Variants in ARHGAP44 observed in about 807,000 individuals in gnomAD.
The protein encoded by ARHGAP44 is Rho GTPase activating protein 44, also known as rho GTPase-activating protein 44.
In ARHGAP44, 43 loss-of-function variants were observed where a neutral mutation model predicts 106.8. The observed-to-expected ratio is 0.40, with a 90% confidence interval of 0.32 to 0.52. ARHGAP44 has a LOEUF of 0.52. Ranked by LOEUF, ARHGAP44 falls within the 20% of genes least tolerant of loss-of-function variation. The pLI is 0.48. For missense variants in ARHGAP44, 866 were observed against 1,050.5 expected, an observed-to-expected ratio of 0.82 and a Z score of 2.43; for synonymous variants, 439 against 410.3, an observed-to-expected ratio of 1.07 and a Z score of -0.85.
intron 7 of ARHGAP44, 120 bp from the exon 8 acceptor site, chr17:12,940,936 G>A (rs991633140): frequency 2.7e-6 from 2 of 740,176 alleles, no homozygotes; most frequent in Non-Finnish European, 2.2e-6. Context: ...ATCATATCAA[G>A]TATTAAAAAG....
intron 2 of ARHGAP44, 27 bp from the exon 3 acceptor site, chr17:12,896,380 T>C (rs2037205986): frequency 6.4e-7 from 1 of 1,562,306 alleles, no homozygotes. Flanking sequence ...CCTCTCTCAG[T>C]GGCACCACCC....
intron 1 of ARHGAP44, among the ~76,000 whole-genome samples, chr17:12,851,319 G>A (rs2035732693): frequency 6.6e-6 from 1 of 152,036 alleles, no homozygotes; most frequent in African/African-American, 2.4e-5. Flanking sequence ...CCAAATAGAA[G>A]TCTTGAAAAA....
Position 12,949,361 on chromosome 17 carries a change from C to T in ARHGAP44, c.973+110C>T. On this transcript the variant is annotated intron_variant, in intron 11 of 20. Transcript: ENST00000379672. This position sits in a 1 kb window ranked among gnomAD's most constrained non-coding sequence, Gnocchi z 4.1. ...CACTCAAGTCAGTGGCTGCCCAAAG[C>T]ACTTCAGATGTGTCCACTCAGTGCC... 1 of 1,202,508 alleles carries T rather than the reference C, an allele frequency of 8.3e-7. No homozygotes were observed. Among genetic ancestry groups the T allele is most frequent in the Non-Finnish European group, 1.2e-6 (1 of 851,920 alleles). 74.5% of individuals were successfully genotyped at this position (1,202,508 alleles called of 1,614,324 possible).
chr17:12,852,753 G>A (rs530008120), intron 1 of ARHGAP44, among the ~76,000 whole-genome samples: 1 of 152,206 alleles, frequency 6.6e-6, no homozygotes, highest in East Asian at 1.9e-4. Context: ...ATGTTAGCCA[G>A]AATGGTCTTG....
rs765351389 is a variant in ARHGAP44, at chr17:12,908,932, G to A, written c.234G>A (p.Leu78=). The A allele has an allele frequency of 6.2e-7, 1 of 1,603,840 alleles. No homozygotes were observed. Among genetic ancestry groups the A allele is most frequent in the Admixed American group, 1.8e-5 (1 of 56,800 alleles). The change falls in exon 4 of 21, where the codon CTG becomes CTA. Residue 78 remains leucine, a synonymous_variant. Transcript: ENST00000379672. Reference sequence around the variant, plus strand: ...CTTTGACAACACTGGCTCAGTGTCTGATGGAGGGGTCAGCTATCCTGGGAG... The same window carrying A: ...CTTTGACAACACTGGCTCAGTGTCTAATGGAGGGGTCAGCTATCCTGGGAG... ...KLPLTTLAQC[L]MEGSAILGDD... is the part of the protein sequence containing the mutation.
At chr17:12,864,033 G>A (rs768349798) in intron 1 of ARHGAP44, among the ~76,000 whole-genome samples, 4 of 152,166 alleles carry the variant, frequency 2.6e-5, no homozygotes, top group Non-Finnish European at 5.9e-5. Flanking sequence ...GGGGTTCCAG[G>A]ACTGAGCATC....
At chr17:12,919,582 C>T (rs983312168) in intron 5 of ARHGAP44, among the ~76,000 whole-genome samples, 173 bp from the exon 6 acceptor site, 3 of 152,166 alleles carry the variant, frequency 2.0e-5, no homozygotes, top group Non-Finnish European at 4.4e-5. Flanking sequence ...GTCGGAGTTT[C>T]GCCATATTGG....
chr17:12,985,538 A>G (rs2039937359), intron 20 of ARHGAP44: 1 of 152,232 alleles, frequency 6.6e-6, no homozygotes, highest in Admixed American at 6.5e-5. Context: ...AGAAACAAAG[A>G]CGGAGCTCTC....
intron 1 of ARHGAP44, among the ~76,000 whole-genome samples, chr17:12,799,749 C>T (rs1022333443): frequency 2.0e-5 from 3 of 152,152 alleles, no homozygotes; most frequent in African/African-American, 7.2e-5. Flanking sequence ...TCTGCCTCAG[C>T]CTCCTGAGTA....
At position 12,988,777 on chromosome 17, in the gene ARHGAP44, G is replaced by A. The variant is rs75706370; in HGVS notation, c.2318-1255G>A. 9.3e-3 allele frequency: 1,408 copies of A among 152,082 alleles called. 78 individuals are homozygous for A. The East Asian group carries it at 0.15, about 16-fold the overall frequency. The allele number at this position is 152,082 out of a possible 1,614,324, so 9.4% of individuals were successfully genotyped here. On this transcript the variant is annotated intron_variant, in intron 20 of 20. Coordinates refer to ENST00000379672, the MANE Select transcript of ARHGAP44 (RefSeq NM_014859.6). ...TCCCAGCCTTGCAAAGCTAAGTGAC[G>A]GCCAGAAACTAAGCAGGCAGGCCGG...
chr17:12,866,425 C>T (rs1271273564), intron 1 of ARHGAP44, among the ~76,000 whole-genome samples: 1 of 152,148 alleles, frequency 6.6e-6, no homozygotes, highest in Non-Finnish European at 1.5e-5. Flanking sequence ...TGCCTTTGCA[C>T]CCCACAGCAT....
intron 13 of ARHGAP44, among the ~76,000 whole-genome samples, chr17:12,954,529 C>T (rs557323188): frequency 2.0e-4 from 31 of 152,228 alleles, no homozygotes; most frequent in South Asian, 1.7e-3. Context: ...AGAGGCCGTG[C>T]GTGGAGTTGT....
At chr17:12,868,591 T>TA (rs2036305530) in intron 1 of ARHGAP44, among the ~76,000 whole-genome samples, 692 of 47,104 alleles carry the variant, frequency 0.015, 18 homozygotes, top group Middle Eastern at 0.026. Flanking sequence ...TATATGCATT[T>TA]TATATATATA....
At chr17:12,918,570 C>T (rs2037984357) in intron 5 of ARHGAP44, among the ~76,000 whole-genome samples, 1 of 152,132 alleles carries the variant, frequency 6.6e-6, no homozygotes, top group African/African-American at 2.4e-5. Flanking sequence ...CCGAGAAAAG[C>T]CATGATGGCA....
chr17:12,921,841 A>G (rs2038094650), intron 6 of ARHGAP44, among the ~76,000 whole-genome samples: 2 of 152,160 alleles, frequency 1.3e-5, no homozygotes, highest in Admixed American at 1.3e-4. Flanking sequence ...TTATAAAAAG[A>G]AGCTGATACT....
intron 1 of ARHGAP44, among the ~76,000 whole-genome samples, chr17:12,872,835 A>G (rs989994310): frequency 1.3e-5 from 2 of 152,068 alleles, no homozygotes; most frequent in Non-Finnish European, 2.9e-5. Flanking sequence ...AGGAACTTCA[A>G]TCATACATGA....
intron 1 of ARHGAP44, among the ~76,000 whole-genome samples, chr17:12,808,089 A>G (rs928583927): frequency 1.1e-4 from 16 of 152,204 alleles, no homozygotes; most frequent in African/African-American, 3.6e-4. Context: ...CTTTGACTCC[A>G]TGTCTCACAT....
intron 1 of ARHGAP44, among the ~76,000 whole-genome samples, chr17:12,816,391 C>T (rs957367951): frequency 6.6e-6 from 1 of 151,908 alleles, no homozygotes; most frequent in Admixed American, 6.6e-5. Flanking sequence ...TCAGTGGACA[C>T]TTAAATTAAT....
Position 12,989,101 on chromosome 17 carries a change from C to CAAAA in ARHGAP44, c.2318-910_2318-907dup, listed in dbSNP as rs71144942. ...GACAAGAGCGAAACTCCACCCCCCCCAAAAAAAAAAAAAAAAAAAAAAAAC... is the reference window on the plus strand; with the variant it reads ...GACAAGAGCGAAACTCCACCCCCCCCAAAAAAAAAAAAAAAAAAAAAAAAAAAAC... On this transcript the variant is annotated intron_variant, in intron 20 of 20. Transcript: ENST00000379672. 2.6e-3 allele frequency among the ~76,000 whole-genome samples: 115 copies of CAAAA among 45,066 alleles called. 1 individual carries two copies. Among genetic ancestry groups the CAAAA allele is most frequent in the Admixed American group, 2.9e-3 (8 of 2,760 alleles). The allele number at this position is 45,066 out of a possible 152,430, so 29.6% of individuals were successfully genotyped here.
Sources: allele counts gnomAD v4.1 joint callset (sites outside exome capture counted in the v4.1 genomes callset), GRCh38; gene constraint gnomAD v4.1.1; non-coding constraint Gnocchi (gnomAD v3.1); transcripts MANE v1.5; gene names NCBI Gene and HGNC (gene_info 2026-07-23, HGNC 2026-07-21).